Variants in ZC3HAV1 observed in about 807,000 individuals in gnomAD.
The protein encoded by ZC3HAV1 is zinc finger CCCH-type antiviral protein 1.
A neutral mutation model predicts 86.6 loss-of-function variants in ZC3HAV1; 41 were observed. The observed-to-expected ratio is 0.47, with a 90% CI of 0.37 to 0.61. The LOEUF (loss-of-function observed/expected upper bound fraction) is 0.61. Among genes scored for constraint, ZC3HAV1 ranks in the 20% least tolerant of loss-of-function variants. The pLI, the probability that ZC3HAV1 is intolerant of heterozygous loss-of-function variation, is 0.00. For missense variants in ZC3HAV1, 964 were observed against 1,141.1 expected (o/e 0.84, Z 2.24); for synonymous variants, 421 against 432.1 (o/e 0.97, Z 0.32).
At chr7:139,055,601 C>T (rs967462371) in intron 9 of ZC3HAV1, among the ~76,000 whole-genome samples, 1 of 152,174 alleles carries the variant, frequency 6.6e-6, no homozygotes, top group African/African-American at 2.4e-5. Flanking sequence ...AATGTGTTAG[C>T]ATTAAGCAAA....
intron 1 of ZC3HAV1, among the ~76,000 whole-genome samples, chr7:139,100,249 G>C (rs941103565): frequency 6.6e-6 from 1 of 151,886 alleles, no homozygotes; most frequent in Non-Finnish European, 1.5e-5. Flanking sequence ...ACCACAATGA[G>C]GGCTGGGCGC....
At chr7:139,056,438 T>G (rs1816288147) in intron 9 of ZC3HAV1, among the ~76,000 whole-genome samples, 1 of 137,818 alleles carries the variant, frequency 7.3e-6, no homozygotes, top group African/African-American at 2.7e-5. Flanking sequence ...TTTGAGACAG[T>G]CTCACTCTGT....
chr7:139,083,311 A>G (rs575841324), intron 3 of ZC3HAV1, among the ~76,000 whole-genome samples: 1 of 152,212 alleles, frequency 6.6e-6, no homozygotes, highest in African/African-American at 2.4e-5. Flanking sequence ...TACTACCATT[A>G]TAATTATGTA....
intron 12 of ZC3HAV1, among the ~76,000 whole-genome samples, chr7:139,052,314 G>GT (rs1270035368): frequency 1.7e-5 from 2 of 119,976 alleles, no homozygotes; most frequent in African/African-American, 3.3e-5. Flanking sequence ...GTTTTTAAGA[G>GT]TTGCATGCAG....
intron 12 of ZC3HAV1, among the ~76,000 whole-genome samples, chr7:139,051,433 A>G (rs2130661869): frequency 6.7e-6 from 1 of 149,476 alleles, no homozygotes; most frequent in African/African-American, 2.5e-5. Context: ...TTGAGACAAA[A>G]TGTTGCTCTG....
chr7:139,059,135 T>C (rs1179499266), intron 9 of ZC3HAV1, among the ~76,000 whole-genome samples: 1 of 152,190 alleles, frequency 6.6e-6, no homozygotes, highest in Non-Finnish European at 1.5e-5. Context: ...TCTCATTCAT[T>C]GGCTGAATGT....
chr7:139,105,032 C>CAAAAAAAAAA (rs34053904), intron 1 of ZC3HAV1, among the ~76,000 whole-genome samples: 3 of 72,778 alleles, frequency 4.1e-5, no homozygotes, highest in Admixed American at 1.5e-4. Context: ...GACTCTGTCT[C>CAAAAAAAAAA]AAAAAAAAAA....
intron 12 of ZC3HAV1, among the ~76,000 whole-genome samples, chr7:139,049,148 G>GTTA (rs1563121775): frequency 1.3e-5 from 1 of 74,076 alleles, no homozygotes; most frequent in Non-Finnish European, 2.8e-5. Flanking sequence ...TTTTTTCGTT[G>GTTA]TTGTTGTTGT....
intron 1 of ZC3HAV1, among the ~76,000 whole-genome samples, chr7:139,106,814 A>C (rs550117484): frequency 1.4e-5 from 2 of 147,732 alleles, no homozygotes; most frequent in South Asian, 4.2e-4. Context: ...AGAGATACTA[A>C]AGTACTTAGT....
At chr7:139,066,052 C>T (rs908150496) in intron 7 of ZC3HAV1, among the ~76,000 whole-genome samples, 1 of 152,096 alleles carries the variant, frequency 6.6e-6, no homozygotes, top group African/African-American at 2.4e-5. Context: ...GCTAGGCTAC[C>T]GATCCACTGC....
chr7:139,091,165 G>C (rs1278999322), intron 1 of ZC3HAV1, among the ~76,000 whole-genome samples: 1 of 151,030 alleles, frequency 6.6e-6, no homozygotes, highest in East Asian at 1.9e-4. Context: ...ATCAATCCCG[G>C]AGGAAAGACT....
At chr7:139,056,439 C>G (rs1470200886) in intron 9 of ZC3HAV1, among the ~76,000 whole-genome samples, 4 of 117,198 alleles carry the variant, frequency 3.4e-5, no homozygotes, top group African/African-American at 1.3e-4. Context: ...TTGAGACAGT[C>G]TCACTCTGTT....
At position 139,055,401 on chromosome 7, in the gene ZC3HAV1, C is replaced by A. The variant is rs1252531779; in HGVS notation, c.2097-106G>T. The A allele has an allele frequency of 1.3e-5, 11 of 855,354 alleles. No individual in the cohort carries two copies. In the East Asian group the frequency reaches 2.1e-4, roughly 17 times the overall value. 53.0% of individuals were successfully genotyped at this position (855,354 alleles called of 1,614,324 possible). A position where few individuals can be genotyped will look rare whatever the true frequency, so the allele number is the denominator to read the frequency against. ...GGCCAAGGATGCCTAGAGAAATACA[C>A]AATATTTATTTCTGTATTTTTCTCT... On this transcript the variant is annotated intron_variant, in intron 9 of 12. Transcript: ENST00000242351.
intron 8 of ZC3HAV1, among the ~76,000 whole-genome samples, chr7:139,064,203 GA>G (rs1427523516): frequency 6.6e-6 from 1 of 152,208 alleles, no homozygotes; most frequent in African/African-American, 2.4e-5. Context: ...AGGGACCTCA[GA>G]AAGGCTCCTT....
At chr7:139,064,246 A>G (rs1358171650) in intron 8 of ZC3HAV1, among the ~76,000 whole-genome samples, 1 of 152,222 alleles carries the variant, frequency 6.6e-6, no homozygotes, top group Admixed American at 6.5e-5. Flanking sequence ...AAGTCCCGAA[A>G]GGGCAAGCAC....
chr7:139,100,837 C>G (rs992103036), intron 1 of ZC3HAV1, among the ~76,000 whole-genome samples: 1 of 148,694 alleles, frequency 6.7e-6, no homozygotes, highest in Non-Finnish European at 1.5e-5. Flanking sequence ...CTCCCTCTCC[C>G]TCTCTTTCCA....
In ZC3HAV1 at chr7:139,043,809, G is replaced by T. The variant is rs967998209; in HGVS notation, c.*3785C>A. On this transcript the variant is annotated 3_prime_UTR_variant, in exon 13 of 13. Transcript: ENST00000242351. The stretch of plus-strand genomic sequence containing the variant: ...AGGCGCAAAGTATTTTAAAAATAAG[G>T]GGTTTGGGAGGCCAAGATCTGACCT... 1 of 152,122 alleles carries T rather than the reference G, an allele frequency of 6.6e-6. No homozygotes were observed. Among genetic ancestry groups the T allele is most frequent in the Non-Finnish European group, 1.5e-5 (1 of 68,024 alleles). 9.4% of individuals were successfully genotyped at this position (152,122 alleles called of 1,614,324 possible).
chr7:139,102,520 C>T (rs1269473917), intron 1 of ZC3HAV1, among the ~76,000 whole-genome samples: 3 of 151,898 alleles, frequency 2.0e-5, no homozygotes, highest in Admixed American at 6.6e-5. Flanking sequence ...CAGAGTAGAC[C>T]TTCTCTAAAA....
At chr7:139,048,129 A>T (rs1397011489) in intron 12 of ZC3HAV1, among the ~76,000 whole-genome samples, 1 of 152,202 alleles carries the variant, frequency 6.6e-6, no homozygotes, top group African/African-American at 2.4e-5. Flanking sequence ...CCAAATGACA[A>T]TGTCACAGTG....
Sources: allele counts gnomAD v4.1 joint callset (sites outside exome capture counted in the v4.1 genomes callset), GRCh38; gene constraint gnomAD v4.1.1; transcripts MANE v1.5; gene names NCBI Gene and HGNC (gene_info 2026-07-23, HGNC 2026-07-21).